The following GALNT7 variants were observed in gnomAD, a reference collection of about 807,000 sequenced individuals.
GALNT7 encodes polypeptide N-acetylgalactosaminyltransferase 7.
In GALNT7, 60 loss-of-function variants were observed where a neutral mutation model predicts 82.1. That is an observed-to-expected ratio of 0.73 (90% CI 0.59 to 0.91). The LOEUF (loss-of-function observed/expected upper bound fraction) is 0.91, where lower values mean the gene tolerates loss of function less well. Among genes scored for constraint, GALNT7 ranks in the 40% least tolerant of loss-of-function variants. GALNT7 has a pLI of 0.00. For synonymous variants in GALNT7, 243 were observed against 275.1 expected (o/e 0.88, Z 1.15); for missense variants, 660 against 804.2 (o/e 0.82, Z 2.17).
intron 2 of GALNT7, among the ~76,000 whole-genome samples, chr4:173,273,596 A>G (rs892386378): frequency 1.3e-5 from 2 of 152,198 alleles, no homozygotes; most frequent in African/African-American, 2.4e-5. Context: ...AGTATTTGGT[A>G]TACCCAACCC....
At chr4:173,286,223 C>A (rs565925031) in intron 2 of GALNT7, among the ~76,000 whole-genome samples, 1 of 152,332 alleles carries the variant, frequency 6.6e-6, no homozygotes, top group East Asian at 1.9e-4. Flanking sequence ...TGCACCACTA[C>A]CTTTTCACAA....
At chr4:173,209,457 A>G (rs536066231) in intron 1 of GALNT7, among the ~76,000 whole-genome samples, 16 of 152,366 alleles carry the variant, frequency 1.1e-4, no homozygotes, top group Admixed American at 7.8e-4. Flanking sequence ...AGAATGCAGT[A>G]CATGCCAATA....
At chr4:173,303,167 C>G (rs1292493296) in intron 7 of GALNT7, among the ~76,000 whole-genome samples, 1 of 151,754 alleles carries the variant, frequency 6.6e-6, no homozygotes, top group Non-Finnish European at 1.5e-5. Flanking sequence ...TGCACTCCAG[C>G]CTGGGGGACA....
chr4:173,210,670 G>A (rs920382032), intron 1 of GALNT7, among the ~76,000 whole-genome samples: 1 of 152,004 alleles, frequency 6.6e-6, no homozygotes, highest in Non-Finnish European at 1.5e-5. Flanking sequence ...GGGCTCAAGC[G>A]ATCCGCCCAC....
intron 1 of GALNT7, among the ~76,000 whole-genome samples, chr4:173,239,200 T>C (rs1476167098): frequency 6.6e-6 from 1 of 152,230 alleles, no homozygotes. Flanking sequence ...ATTATTCAAA[T>C]TTTAGATTTG....
intron 6 of GALNT7, among the ~76,000 whole-genome samples, chr4:173,301,249 ACT>A (rs1736922646): frequency 6.6e-6 from 1 of 152,114 alleles, no homozygotes; most frequent in African/African-American, 2.4e-5. Flanking sequence ...CCCTAATAAT[ACT>A]GAGTACCCTA....
At chr4:173,204,523 C>T (rs1467565281) in intron 1 of GALNT7, among the ~76,000 whole-genome samples, 1 of 152,058 alleles carries the variant, frequency 6.6e-6, no homozygotes, top group African/African-American at 2.4e-5. Context: ...CTTTTTTCTC[C>T]TCTGTATATT....
In GALNT7 at chr4:173,314,056, G is replaced by A. The variant is rs200812801; in HGVS notation, c.1488G>A (p.Ser496=). 6.5e-5 allele frequency: 105 copies of A among 1,611,086 alleles called. No individual in the cohort carries two copies. The highest frequency in any genetic ancestry group is 1.8e-4 in the East Asian group (8 of 44,866). ...AGGCATTACCATATGGGGATATATC[G>A]GAGCTGAAAAAATTTCGAGAAGATC... ...ESQALPYGDI[S]ELKKFREDHN... The change falls in exon 9 of 12, where the codon TCG becomes TCA. Residue 496 remains serine (S), a synonymous_variant. Coordinates refer to ENST00000265000, the MANE Select transcript of GALNT7 (RefSeq NM_017423.3).
intron 1 of GALNT7, among the ~76,000 whole-genome samples, chr4:173,246,884 C>G (rs1734655262): frequency 6.6e-6 from 1 of 151,632 alleles, no homozygotes; most frequent in Admixed American, 6.6e-5. Context: ...AGTGGCAGAC[C>G]CATCAGCCTA....
chr4:173,181,195 T>C (rs984462148), intron 1 of GALNT7, among the ~76,000 whole-genome samples: 2 of 152,212 alleles, frequency 1.3e-5, no homozygotes, highest in African/African-American at 4.8e-5. Context: ...ACTGTCAAGA[T>C]TGGAAATTTT....
At chr4:173,198,646 T>C (rs1020782529) in intron 1 of GALNT7, among the ~76,000 whole-genome samples, 21 of 152,204 alleles carry the variant, frequency 1.4e-4, no homozygotes, top group African/African-American at 4.8e-4. Flanking sequence ...TTTCACAAAC[T>C]TATATGAAAA....
At chr4:173,229,886 C>G (rs766566704) in intron 1 of GALNT7, among the ~76,000 whole-genome samples, 1 of 151,756 alleles carries the variant, frequency 6.6e-6, no homozygotes, top group Admixed American at 6.6e-5. Context: ...TCTTGGTAAG[C>G]CTTTGGAGGT....
intron 11 of GALNT7, among the ~76,000 whole-genome samples, chr4:173,319,655 C>G (rs1407043294): frequency 6.6e-6 from 1 of 152,050 alleles, no homozygotes; most frequent in East Asian, 1.9e-4. Context: ...TGACACATAA[C>G]ATGTTTTAGG....
intron 2 of GALNT7, among the ~76,000 whole-genome samples, chr4:173,281,240 C>A (rs918830950): frequency 2.0e-5 from 3 of 152,172 alleles, no homozygotes; most frequent in Non-Finnish European, 4.4e-5. Context: ...GGTATACTGG[C>A]ACCCTTTCAT....
intron 1 of GALNT7, among the ~76,000 whole-genome samples, chr4:173,236,963 T>C (rs780029408): frequency 6.6e-6 from 1 of 152,228 alleles, no homozygotes; most frequent in Non-Finnish European, 1.5e-5. Flanking sequence ...TATCACTGAA[T>C]AAGCATTCCT....
At chr4:173,184,567 C>CAGAGGCATCAGAGGCATCAGA (rs1732407038) in intron 1 of GALNT7, among the ~76,000 whole-genome samples, 1 of 134,858 alleles carries the variant, frequency 7.4e-6, no homozygotes, top group Non-Finnish European at 1.6e-5. Flanking sequence ...AGCCTCGGCT[C>CAGAGGCATCAGAGGCATCAGA]GGCATCAGAG....
chr4:173,211,569 CAA>C (rs1444360823), intron 1 of GALNT7, among the ~76,000 whole-genome samples: 3 of 152,170 alleles, frequency 2.0e-5, no homozygotes, highest in Non-Finnish European at 4.4e-5. Flanking sequence ...TGTTCAATAA[CAA>C]GAGTCAGCAA....
At chr4:173,200,521 CAG>C (rs1310824091) in intron 1 of GALNT7, among the ~76,000 whole-genome samples, 1 of 151,770 alleles carries the variant, frequency 6.6e-6, no homozygotes, top group Non-Finnish European at 1.5e-5. Context: ...ACATTAATAT[CAG>C]AGAGCTGACA....
At chr4:173,258,304 G>A (rs1735118843) in intron 2 of GALNT7, among the ~76,000 whole-genome samples, 1 of 152,170 alleles carries the variant, frequency 6.6e-6, no homozygotes, top group Admixed American at 6.5e-5. Context: ...TGGAAGGGCT[G>A]GAATTAACAG....
Sources: gnomAD v4.1 joint callset for allele counts (sites outside exome capture counted in the v4.1 genomes callset) on GRCh38, gnomAD v4.1.1 for gene constraint, MANE v1.5 for transcripts, NCBI Gene and HGNC (gene_info 2026-07-23, HGNC 2026-07-21) for gene names.